The following APAF1 variants were observed in gnomAD, a reference collection of about 807,000 sequenced individuals.
The protein encoded by APAF1 is apoptotic peptidase activating factor 1.
In APAF1, 91 loss-of-function variants were observed where a neutral mutation model predicts 152.4. The ratio of observed to expected loss-of-function variants is 0.60; its 90% confidence interval spans 0.50 to 0.71. APAF1 has a LOEUF of 0.71. APAF1 is among the 30% of genes least tolerant of loss of function. The pLI is 0.00. For synonymous variants in APAF1, 484 were observed against 494.1 expected (o/e 0.98, Z 0.27); for missense variants, 1,283 against 1,472.0 (o/e 0.87, Z 2.10).
intron 23 of APAF1, among the ~76,000 whole-genome samples, 161 bp downstream of exon 23, chr12:98,723,473 G>A (rs567803382): frequency 2.6e-4 from 39 of 152,116 alleles, no homozygotes; most frequent in Middle Eastern, 3.4e-3. Context: ...CATCTGCTGT[G>A]TTTAATGAGC....
rs188689373 is a variant in APAF1 at position 98,700,793 on chromosome 12, T to C, written c.2466+1224T>C. The stretch of plus-strand genomic sequence containing the variant: ...CCTCTTTCCCCTCTCTTGCTAGACC[T>C]TTGTAATCTCTAATGTAATCTGCGA... On this transcript the variant is annotated intron_variant, in intron 17 of 26. Coordinates refer to ENST00000551964, the MANE Select transcript of APAF1 (RefSeq NM_181861.2). 6.0e-4 allele frequency among the ~76,000 whole-genome samples: 91 copies of C among 152,316 alleles called. 1 individual carries two copies. Among genetic ancestry groups the C allele is most frequent in the African/African-American group, 1.7e-3 (71 of 41,580 alleles).
intron 22 of APAF1, among the ~76,000 whole-genome samples, chr12:98,717,184 T>G (rs1156600445): frequency 6.6e-6 from 1 of 151,974 alleles, no homozygotes; most frequent in Admixed American, 6.6e-5. Flanking sequence ...GCTCTATTTT[T>G]GGGGAGTTTT....
At chr12:98,660,902 A>T (rs914590614) in intron 5 of APAF1, among the ~76,000 whole-genome samples, 1 of 152,174 alleles carries the variant, frequency 6.6e-6, no homozygotes, top group Admixed American at 6.5e-5. Flanking sequence ...ATAGGGTGAG[A>T]AGAGTATTTT....
At chr12:98,681,863 C>T (rs2097692568) in intron 14 of APAF1, among the ~76,000 whole-genome samples, 1 of 152,144 alleles carries the variant, frequency 6.6e-6, no homozygotes, top group Admixed American at 6.5e-5. Context: ...GATAAACTCT[C>T]TGGACCTCTG....
At chr12:98,649,800 G>A in intron 4 of APAF1, 116 bp downstream of exon 4, 2 of 984,590 alleles carry the variant, frequency 2.0e-6, no homozygotes, top group Non-Finnish European at 3.1e-6. Flanking sequence ...TACAGAGTTA[G>A]AACAAAGGAA....
At chr12:98,651,803 G>A (rs528643561) in intron 4 of APAF1, among the ~76,000 whole-genome samples, 49 of 151,960 alleles carry the variant, frequency 3.2e-4, no homozygotes, top group Non-Finnish European at 6.0e-4. Context: ...GGGTGCACAC[G>A]CCACCATGCC....
rs1273068971 is a variant in APAF1, at chr12:98,653,715, T to TAG, written c.526+4032_526+4033insGA. ...AAATATATATATATATATATATATA[T>TAG]ATATATATAGTTTTTAACTATTTAT... On this transcript the variant is annotated intron_variant, in intron 4 of 26. Coordinates refer to ENST00000551964, the MANE Select transcript of APAF1 (RefSeq NM_181861.2). Among the ~76,000 whole-genome samples the TAG allele has an allele frequency of 3.5e-4, 39 of 112,382 alleles. 2 individuals carry two copies. Among genetic ancestry groups the TAG allele is most frequent in the African/African-American group, 1.1e-3 (34 of 30,980 alleles). 73.7% of individuals were successfully genotyped at this position (112,382 alleles called of 152,430 possible).
chr12:98,703,930 G>A (rs1026272106), intron 18 of APAF1, among the ~76,000 whole-genome samples: 1 of 152,122 alleles, frequency 6.6e-6, no homozygotes, highest in African/African-American at 2.4e-5. Flanking sequence ...GGATAAGATA[G>A]GATGTTCATT....
At chr12:98,678,149 A>G (rs1299235658) in intron 13 of APAF1, among the ~76,000 whole-genome samples, 2 of 152,224 alleles carry the variant, frequency 1.3e-5, no homozygotes, top group Non-Finnish European at 2.9e-5. Context: ...TTATGTCTAT[A>G]TGTGTACTTT....
chr12:98,725,535 A>G lies in APAF1; in HGVS notation c.3451A>G (p.Ile1151Val). The change falls in exon 25 of 27, where the codon ATC becomes GTC. Residue 1151 changes from isoleucine to valine, a missense_variant. Ile to Val is a conservative substitution (Grantham distance 29). Transcript: ENST00000551964. Reference sequence around the variant, plus strand: ...GGCAACGGGAGATGACAATGGAGAAATCAGGGTAGGCTGTTTGCTGACATG... The same window carrying G: ...GGCAACGGGAGATGACAATGGAGAAGTCAGGGTAGGCTGTTTGCTGACATG... ...LLATGDDNGEIRIWNVSNGEL... is the reference protein window; with the variant it reads ...LLATGDDNGEVRIWNVSNGEL... The G allele has an allele frequency of 6.2e-7, 1 of 1,614,092 alleles. No individual in the cohort carries two copies.
chr12:98,669,112 G>A (rs2097676942), intron 10 of APAF1, among the ~76,000 whole-genome samples: 1 of 151,900 alleles, frequency 6.6e-6, no homozygotes, highest in South Asian at 2.1e-4. Context: ...TTGGAATGAT[G>A]GTATTCCAAT....
chr12:98,651,273 T>C lies in APAF1; in HGVS notation c.526+1589T>C, dbSNP rs563583136. ...TTTATTTCCATTTCAAAATTTCCTA[T>C]TCTTATTTCCTTTCCCCTCTCCATG... On this transcript the variant is annotated intron_variant, in intron 4 of 26. Coordinates refer to ENST00000551964, the MANE Select transcript of APAF1 (RefSeq NM_181861.2). Among the ~76,000 whole-genome samples, 6 of 152,350 alleles carry C rather than the reference T, an allele frequency of 3.9e-5. No individual in the cohort carries two copies. The East Asian group carries it at 1.2e-3, about 29-fold the overall frequency.
At chr12:98,723,365 A>G (rs2097745750) in intron 23 of APAF1, 53 bp downstream of exon 23, 9 of 1,570,460 alleles carry the variant, frequency 5.7e-6, no homozygotes, top group Non-Finnish European at 7.9e-6. Flanking sequence ...TATTGCAATG[A>G]TTATATTGAG....
At chr12:98,672,531 C>G (rs1003033789) in intron 12 of APAF1, among the ~76,000 whole-genome samples, 1 of 151,748 alleles carries the variant, frequency 6.6e-6, no homozygotes, top group Non-Finnish European at 1.5e-5. Context: ...ACATATAGTC[C>G]TTATTAAATG....
chr12:98,685,551 GGTCT>G (rs2097697099), intron 15 of APAF1, among the ~76,000 whole-genome samples: 1 of 152,038 alleles, frequency 6.6e-6, no homozygotes, highest in Non-Finnish European at 1.5e-5. Flanking sequence ...TGGCCAGGAT[GGTCT>G]CAATCTCCTG....
intron 17 of APAF1, among the ~76,000 whole-genome samples, chr12:98,699,849 G>A (rs1288102804): frequency 3.9e-5 from 6 of 152,084 alleles, no homozygotes; most frequent in African/African-American, 1.4e-4. Flanking sequence ...GCCCCAGGAA[G>A]TCCTCTTACA....
At chr12:98,648,596 T>A (rs1294231887) in intron 2 of APAF1, 30 bp from the exon 3 acceptor site, 5 of 1,611,586 alleles carry the variant, frequency 3.1e-6, no homozygotes, top group Non-Finnish European at 4.2e-6. Context: ...ATATTCATTG[T>A]TGTATACTAA....
At chr12:98,651,497 C>A (rs934893179) in intron 4 of APAF1, among the ~76,000 whole-genome samples, 1 of 152,106 alleles carries the variant, frequency 6.6e-6, no homozygotes, top group African/African-American at 2.4e-5. Context: ...ATTTGTTACA[C>A]CTGATTGCCA....
chr12:98,684,803 G>A (rs914340684), intron 15 of APAF1, among the ~76,000 whole-genome samples: 1 of 152,120 alleles, frequency 6.6e-6, no homozygotes, highest in Admixed American at 6.6e-5. Context: ...CATTTTGTAG[G>A]TTGAGGAAAT....
Sources: gnomAD v4.1 joint callset for allele counts (sites outside exome capture counted in the v4.1 genomes callset) on GRCh38, gnomAD v4.1.1 for gene constraint, MANE v1.5 for transcripts, NCBI Gene and HGNC (gene_info 2026-07-23, HGNC 2026-07-21) for gene names.